SGIP1: variants seen among roughly 807,000 people sequenced by gnomAD.
The protein encoded by SGIP1 is SH3-containing GRB2-like protein 3-interacting protein 1.
Under a neutral mutation model 107.5 loss-of-function variants are expected in SGIP1, and 38 were observed. The ratio of observed to expected loss-of-function variants is 0.35; its 90% CI spans 0.27 to 0.46. The LOEUF (loss-of-function observed/expected upper bound fraction) is 0.46, where lower values mean the gene tolerates loss of function less well. SGIP1 is among the 20% of genes least tolerant of loss of function. The pLI is 1.00. For missense variants in SGIP1, 929 were observed against 1,019.5 expected (o/e 0.91, Z 1.21); for synonymous variants, 365 against 366.1 (o/e 1.00, Z 0.03).
chr1:66,612,199 C>A (rs573490696), intron 1 of SGIP1, among the ~76,000 whole-genome samples: 27 of 152,228 alleles, frequency 1.8e-4, no homozygotes, highest in Non-Finnish European at 3.5e-4. Context: ...GTGCCAGGTT[C>A]TTTTTAACAA....
intron 17 of SGIP1, among the ~76,000 whole-genome samples, chr1:66,692,747 G>A (rs1483865481): frequency 6.6e-6 from 1 of 152,154 alleles, no homozygotes; most frequent in Non-Finnish European, 1.5e-5. Flanking sequence ...CAAAATTGGG[G>A]CAAATCTAAA....
chr1:66,699,534 G>A (rs914583315), intron 18 of SGIP1, among the ~76,000 whole-genome samples: 1 of 151,944 alleles, frequency 6.6e-6, no homozygotes, highest in Non-Finnish European at 1.5e-5. Context: ...CACTTTACTC[G>A]GTACTCCACA....
At chr1:66,635,220 C>T (rs551467845) in intron 3 of SGIP1, among the ~76,000 whole-genome samples, 19 of 152,336 alleles carry the variant, frequency 1.2e-4, no homozygotes, top group Non-Finnish European at 2.2e-4. Context: ...ATAGAGGCTT[C>T]GCAGCAGGGC....
intron 1 of SGIP1, among the ~76,000 whole-genome samples, chr1:66,618,164 T>C (rs1302480044): frequency 6.6e-6 from 1 of 152,236 alleles, no homozygotes; most frequent in East Asian, 1.9e-4. Context: ...TTGAGCTAAA[T>C]TGAGTTTTTA....
At chr1:66,660,734 A>C (rs2081302394) in intron 8 of SGIP1, among the ~76,000 whole-genome samples, 1 of 152,206 alleles carries the variant, frequency 6.6e-6, no homozygotes, top group Admixed American at 6.5e-5. Context: ...CCCGTTATTA[A>C]GGGCCCTGGG....
Position 66,671,097 on chromosome 1 carries a change from C to T in SGIP1, c.508+78C>T, listed in dbSNP as rs2083675148. On this transcript the variant is annotated intron_variant, in intron 10 of 24. Transcript: ENST00000371037. ...TTCCTTGGATCTTGGAGTATATGTA[C>T]ATATGAATTATACATTCCTGGGCTT... The T allele has an allele frequency of 8.7e-6, 6 of 687,204 alleles. No homozygotes were observed. In the Admixed American group the frequency reaches 1.1e-4, roughly 13 times the overall value. The allele number at this position is 687,204 out of a possible 1,614,324, so 42.6% of individuals were successfully genotyped here.
At position 66,636,498 on chromosome 1, in the gene SGIP1, G is replaced by A. The variant is rs772709844; in HGVS notation, c.171+483G>A. Among the ~76,000 whole-genome samples, 14 of 152,294 alleles carry A rather than the reference G, an allele frequency of 9.2e-5. No homozygotes were observed. The East Asian group carries it at 9.6e-4, about 10-fold the overall frequency. ...CCCAAACTCTGTAGTACCTATAGCC[G>A]TGTTGTACATTATGGTAGCCACATG... On this transcript the variant is annotated intron_variant, in intron 4 of 24. Coordinates refer to ENST00000371037, the MANE Select transcript of SGIP1 (RefSeq NM_032291.4).
At chr1:66,617,112 A>T (rs2069529047) in intron 1 of SGIP1, among the ~76,000 whole-genome samples, 1 of 152,168 alleles carries the variant, frequency 6.6e-6, no homozygotes, top group Non-Finnish European at 1.5e-5. Flanking sequence ...TCAGACCAAA[A>T]CCACATGCCG....
chr1:66,582,318 C>T (rs1044800196), intron 1 of SGIP1, among the ~76,000 whole-genome samples: 12 of 152,138 alleles, frequency 7.9e-5, no homozygotes, highest in African/African-American at 2.9e-4. Context: ...TATTTGTTCT[C>T]AGAGGAAGTG....
At chr1:66,593,571 A>G (rs2064051132) in intron 1 of SGIP1, among the ~76,000 whole-genome samples, 1 of 152,218 alleles carries the variant, frequency 6.6e-6, no homozygotes, top group African/African-American at 2.4e-5. Context: ...GAATACTGGT[A>G]TGAGCTACAA....
At chr1:66,706,867 TTTGACACTTCAAAGTA>T (rs1284950666) in intron 18 of SGIP1, among the ~76,000 whole-genome samples, 2 of 152,176 alleles carry the variant, frequency 1.3e-5, no homozygotes, top group Admixed American at 6.6e-5. Flanking sequence ...TAATATTCCC[TTTGACACTTCAAAGTA>T]TTTACAAATA....
intron 18 of SGIP1, among the ~76,000 whole-genome samples, chr1:66,709,164 A>G (rs564491143): frequency 3.0e-4 from 46 of 151,966 alleles, no homozygotes; most frequent in Non-Finnish European, 2.4e-4. Context: ...TATTTCTTGT[A>G]ATGTTATCCC....
chr1:66,710,367 ATTC>A (rs1184915302), intron 18 of SGIP1, among the ~76,000 whole-genome samples: 3 of 152,222 alleles, frequency 2.0e-5, no homozygotes, highest in Non-Finnish European at 2.9e-5. Context: ...TGTAAGGCAA[ATTC>A]TTCTTCACTG....
At chr1:66,647,342 G>A (rs1264320783) in intron 7 of SGIP1, among the ~76,000 whole-genome samples, 3 of 152,086 alleles carry the variant, frequency 2.0e-5, no homozygotes, top group Admixed American at 6.5e-5. Flanking sequence ...GAAGTTGCGC[G>A]CATCACTACC....
At chr1:66,628,754 ACTGAGTTATTCCT>A (rs1484771556) in intron 2 of SGIP1, among the ~76,000 whole-genome samples, 1 of 152,198 alleles carries the variant, frequency 6.6e-6, no homozygotes, top group African/African-American at 2.4e-5. Context: ...TATTAAAATA[ACTGAGTTATTCCT>A]CACAGCTACG....
intron 15 of SGIP1, 85 bp from the exon 16 acceptor site, chr1:66,689,063 A>C: frequency 1.4e-6 from 2 of 1,384,962 alleles, no homozygotes; most frequent in African/African-American, 1.5e-5. Flanking sequence ...AAAAAAAAAA[A>C]ATGTCCGGGA....
At chr1:66,640,561 G>A (rs2076589518) in intron 5 of SGIP1, among the ~76,000 whole-genome samples, 1 of 152,152 alleles carries the variant, frequency 6.6e-6, no homozygotes, top group South Asian at 2.1e-4. Flanking sequence ...ATGAGACAGT[G>A]CTTGAAGCAC....
intron 20 of SGIP1, among the ~76,000 whole-genome samples, chr1:66,730,893 CT>C (rs2093979099): frequency 6.6e-6 from 1 of 152,156 alleles, no homozygotes; most frequent in African/African-American, 2.4e-5. Flanking sequence ...CTGACTCCAA[CT>C]CATCCTTTAG....
At chr1:66,622,224 A>AGAT (rs1276641896) in intron 1 of SGIP1, among the ~76,000 whole-genome samples, 1 of 152,156 alleles carries the variant, frequency 6.6e-6, no homozygotes, top group Non-Finnish European at 1.5e-5. Flanking sequence ...CTGGGGATGA[A>AGAT]GATAATAAAA....
Sources: allele counts gnomAD v4.1 joint callset (sites outside exome capture counted in the v4.1 genomes callset), GRCh38; gene constraint gnomAD v4.1.1; transcripts MANE v1.5; gene names NCBI Gene and HGNC (gene_info 2026-07-23, HGNC 2026-07-21).